The following CPED1 variants were observed in gnomAD, a reference collection of about 807,000 sequenced individuals.
The protein encoded by CPED1 is cadherin-like and PC-esterase domain-containing protein 1.
A neutral mutation model predicts 128.2 loss-of-function variants in CPED1; 114 were observed. The ratio of observed to expected loss-of-function variants is 0.89; its 90% CI spans 0.76 to 1.04. The LOEUF is 1.04. Among genes scored for constraint, CPED1 ranks in the 50% least tolerant of loss-of-function variants. The probability of loss-of-function intolerance (pLI) is 0.00; values close to 1 mark genes in which losing one functional copy is unlikely to be tolerated. For synonymous variants in CPED1, 462 were observed against 426.7 expected (o/e 1.08, Z -1.02); for missense variants, 1,211 against 1,207.1 (o/e 1.00, Z -0.05).
chr7:121,098,739 TATATAAAA>T (rs1188900334), intron 6 of CPED1, among the ~76,000 whole-genome samples: 14 of 17,348 alleles, frequency 8.1e-4, no homozygotes, highest in Non-Finnish European at 1.2e-3. Flanking sequence ...CAAATATATA[TATATAAAA>T]ATATATAAAA....
intron 13 of CPED1, among the ~76,000 whole-genome samples, 161 bp from the exon 14 acceptor site, chr7:121,135,879 C>G (rs947037420): frequency 4.6e-5 from 7 of 151,864 alleles, no homozygotes; most frequent in Admixed American, 1.3e-4. Context: ...AATAAAATAA[C>G]TTATTTTATT....
In CPED1 at chr7:121,052,718, T is replaced by A. The variant is rs1042716449; in HGVS notation, c.540+5725T>A. On this transcript the variant is annotated intron_variant, in intron 4 of 22. Transcript: ENST00000310396. ...TTATGCTGATATTCTCTTTTAAAAA[T>A]TTAAATTTTTATTGTTTTTGGGAGA... 9.2e-5 allele frequency among the ~76,000 whole-genome samples: 14 copies of A among 152,202 alleles called. 1 individual carries two copies. The highest frequency in any genetic ancestry group is 2.6e-4 in the Admixed American group (4 of 15,276).
intron 14 of CPED1, 85 bp from the exon 15 acceptor site, chr7:121,140,742 A>C (rs898435658): frequency 8.7e-6 from 7 of 802,776 alleles, no homozygotes; most frequent in African/African-American, 2.2e-5. Context: ...AAGGAAACAG[A>C]AAAAGAAAAA....
At chr7:121,202,383 A>G (rs1294924322) in intron 16 of CPED1, among the ~76,000 whole-genome samples, 3 of 152,124 alleles carry the variant, frequency 2.0e-5, no homozygotes, top group African/African-American at 7.2e-5. Context: ...GTGCAGTGTA[A>G]AAGCTATGCT....
In CPED1 at chr7:121,173,876, G is replaced by A. The variant is rs554683773; in HGVS notation, c.2055+31735G>A. ...AGTTTATAAATGTTCCTTTTTTGCCGCAACATCACCAGCATGTGTTATTCC... is the reference window on the plus strand; with the variant it reads ...AGTTTATAAATGTTCCTTTTTTGCCACAACATCACCAGCATGTGTTATTCC... On this transcript the variant is annotated intron_variant, in intron 16 of 22. Transcript: ENST00000310396. Among the ~76,000 whole-genome samples, 95 of 151,856 alleles carry A rather than the reference G, an allele frequency of 6.3e-4. 1 individual carries two copies. The highest frequency in any genetic ancestry group is 7.7e-4 in the East Asian group (4 of 5,180).
intron 16 of CPED1, among the ~76,000 whole-genome samples, chr7:121,160,098 AC>A (rs1159564953): frequency 1.8e-5 from 1 of 55,366 alleles, no homozygotes; most frequent in Non-Finnish European, 3.5e-5. Context: ...ATCCAGATTC[AC>A]CAAATTGTTT....
intron 5 of CPED1, among the ~76,000 whole-genome samples, chr7:121,083,306 T>C (rs1272234585): frequency 4.6e-5 from 7 of 152,142 alleles, no homozygotes; most frequent in Non-Finnish European, 1.0e-4. Flanking sequence ...CCACCAGCAT[T>C]AGCTCTGGGC....
Position 121,128,439 on chromosome 7 carries a change from A to C in CPED1, c.1360A>C (p.Ile454Leu). ...QCLSLEEINS[I>L]MTFIKELGSL... ...TCTGTCCTTAGAAGAAATTAACTCAATTATGACTTTCATAAAGGAACTTGG... is the reference window on the plus strand; with the variant it reads ...TCTGTCCTTAGAAGAAATTAACTCACTTATGACTTTCATAAAGGAACTTGG... The change falls in exon 11 of 23, where the codon ATT (isoleucine) becomes CTT (leucine). Residue 454 changes from isoleucine to leucine, a missense_variant. By Grantham distance (5) the Ile-to-Leu change is conservative. Transcript: ENST00000310396. The C allele has an allele frequency of 6.2e-7, 1 of 1,604,624 alleles. No homozygotes were observed. The highest frequency in any genetic ancestry group is 2.2e-5 in the East Asian group (1 of 44,744).
At chr7:121,212,837 T>C (rs966072202) in intron 16 of CPED1, among the ~76,000 whole-genome samples, 1 of 152,076 alleles carries the variant, frequency 6.6e-6, no homozygotes, top group Admixed American at 6.6e-5. Context: ...TAAATATTTT[T>C]TTCATTGCCT....
intron 21 of CPED1, 69 bp downstream of exon 21, chr7:121,267,371 C>G (rs1792147872): frequency 1.2e-6 from 1 of 867,850 alleles, no homozygotes; most frequent in East Asian, 2.7e-5. Flanking sequence ...GAAAAAGACC[C>G]GTAAGGCACT....
At chr7:121,027,211 A>G (rs1039916369) in intron 3 of CPED1, among the ~76,000 whole-genome samples, 3 of 152,042 alleles carry the variant, frequency 2.0e-5, no homozygotes, top group Non-Finnish European at 4.4e-5. Context: ...GAAATGGTGA[A>G]CAAATTTCCT....
At chr7:121,135,572 C>T (rs1299328184) in intron 13 of CPED1, among the ~76,000 whole-genome samples, 2 of 152,030 alleles carry the variant, frequency 1.3e-5, no homozygotes, top group African/African-American at 4.8e-5. Context: ...CAGTTTTTTC[C>T]TCTATAAATG....
chr7:121,140,705 G>A (rs1795880874), intron 14 of CPED1, 122 bp from the exon 15 acceptor site: 2 of 677,058 alleles, frequency 3.0e-6, no homozygotes, highest in Non-Finnish European at 4.9e-6. Flanking sequence ...TGATTGGAAA[G>A]TCAGCAGGGA....
chr7:121,032,297 A>G (rs996931388), intron 3 of CPED1, among the ~76,000 whole-genome samples: 3 of 152,180 alleles, frequency 2.0e-5, no homozygotes, highest in African/African-American at 7.2e-5. Context: ...TTAGAGATAA[A>G]AACAGTGAAT....
At chr7:121,216,435 G>A (rs986628343) in intron 16 of CPED1, among the ~76,000 whole-genome samples, 2 of 151,970 alleles carry the variant, frequency 1.3e-5, no homozygotes, top group Non-Finnish European at 2.9e-5. Flanking sequence ...CAGCAAGAGA[G>A]GTATGGAAAT....
intron 18 of CPED1, among the ~76,000 whole-genome samples, chr7:121,248,310 C>G (rs964534569): frequency 6.6e-6 from 1 of 152,142 alleles, no homozygotes; most frequent in Non-Finnish European, 1.5e-5. Context: ...GCCGGAGCCT[C>G]TGTTCAGGGA....
chr7:121,252,442 G>A (rs1798701787), intron 18 of CPED1, among the ~76,000 whole-genome samples: 1 of 151,346 alleles, frequency 6.6e-6, no homozygotes, highest in African/African-American at 2.4e-5. Context: ...AAAAGCAATG[G>A]CAACAAAAGC....
At chr7:121,094,550 ATTTCAAATATT>A (rs1794653594) in intron 5 of CPED1, among the ~76,000 whole-genome samples, 1 of 152,214 alleles carries the variant, frequency 6.6e-6, no homozygotes, top group Non-Finnish European at 1.5e-5. Context: ...TAGAACAAAT[ATTTCAAATATT>A]TCCTGAGCAC....
chr7:121,283,963 A>T (rs1409919627), intron 22 of CPED1, among the ~76,000 whole-genome samples: 1 of 152,202 alleles, frequency 6.6e-6, no homozygotes, highest in East Asian at 1.9e-4. Flanking sequence ...AGTTGCTCAC[A>T]GTATCATAGA....
Sources: gnomAD v4.1 joint callset for allele counts (sites outside exome capture counted in the v4.1 genomes callset) on GRCh38, gnomAD v4.1.1 for gene constraint, MANE v1.5 for transcripts, NCBI Gene and HGNC (gene_info 2026-07-23, HGNC 2026-07-21) for gene names.